PTN: variants seen among roughly 807,000 people sequenced by gnomAD.
PTN encodes pleiotrophin, also known as heparin affin regulatory protein.
A neutral mutation model predicts 24.1 loss-of-function variants in PTN; 18 were observed. The observed-to-expected ratio is 0.75, with a 90% CI of 0.52 to 1.11. The LOEUF is 1.11. PTN is among the 50% of genes least tolerant of loss of function. PTN has a pLI of 0.00. For synonymous variants in PTN, 78 were observed against 68.6 expected (o/e 1.14, Z -0.67); for missense variants, 163 against 198.8 (o/e 0.82, Z 1.08).
intron 1 of PTN, among the ~76,000 whole-genome samples, chr7:137,311,231 CAAA>C (rs35319700): frequency 3.2e-4 from 33 of 101,566 alleles, no homozygotes; most frequent in East Asian, 5.7e-4. Context: ...GACTCCATTT[CAAA>C]AAAAAAAAAA....
intron 1 of PTN, among the ~76,000 whole-genome samples, chr7:137,260,730 A>C (rs1809021102): frequency 6.6e-6 from 1 of 152,158 alleles, no homozygotes; most frequent in African/African-American, 2.4e-5. Context: ...CAGAGGCTTA[A>C]TCAGACTCAG....
chr7:137,254,860 T>C lies in PTN; in HGVS notation c.114A>G (p.Pro38=). The change falls in exon 2 of 5, where the codon CCA becomes CCG. Residue 38 remains proline (P), a splice_region_variant and synonymous_variant. Transcript: ENST00000348225. ...DTAEAGKKEK[P]EKKVKKSDCG... ...TGCCTTCAGAACCCTACTGCTTACC[T>C]GGTTTCTCTTTCTTCCCTGCTTCAG... 1 of 1,546,676 alleles carries C rather than the reference T, an allele frequency of 6.5e-7. No homozygotes were observed. The highest frequency in any genetic ancestry group is 8.8e-7 in the Non-Finnish European group (1 of 1,131,332).
intron 4 of PTN, 70 bp from the exon 5 acceptor site, chr7:137,228,145 G>T: frequency 1.0e-6 from 1 of 974,808 alleles, no homozygotes; most frequent in Non-Finnish European, 1.6e-6. Flanking sequence ...TTGCAGGGAA[G>T]AAATAGCCAC....
intron 1 of PTN, among the ~76,000 whole-genome samples, chr7:137,304,959 T>C (rs1257416785): frequency 3.3e-5 from 5 of 152,030 alleles, no homozygotes; most frequent in Admixed American, 1.3e-4. Context: ...GCGGCCGTAT[T>C]ATTTAGACTA....
chr7:137,338,974 G>C lies in PTN; in HGVS notation c.-2+4465C>G, dbSNP rs149744131. Among the ~76,000 whole-genome samples the C allele has an allele frequency of 5.9e-5, 9 of 152,110 alleles. No homozygotes were observed. The East Asian group carries it at 1.5e-3, about 26-fold the overall frequency. On this transcript the variant is annotated intron_variant, in intron 1 of 4. Coordinates refer to ENST00000348225, the MANE Select transcript of PTN (RefSeq NM_002825.7). ...TACTAAAGCATTTGGAGAGGAGAGAGGAAGGCGGGAAACTGAAATATTTGG... is the reference window on the plus strand; with the variant it reads ...TACTAAAGCATTTGGAGAGGAGAGACGAAGGCGGGAAACTGAAATATTTGG...
intron 4 of PTN, among the ~76,000 whole-genome samples, chr7:137,250,650 G>A (rs975167617): frequency 6.6e-6 from 1 of 152,192 alleles, no homozygotes; most frequent in Non-Finnish European, 1.5e-5. Context: ...TCTCCAGCAA[G>A]AGAGCAGAGC....
chr7:137,264,589 C>T (rs1039422254), intron 1 of PTN, among the ~76,000 whole-genome samples: 2 of 152,076 alleles, frequency 1.3e-5, no homozygotes, highest in Non-Finnish European at 2.9e-5. Flanking sequence ...GAGGTTGGAC[C>T]CACTAGAATA....
At chr7:137,251,163 T>C in intron 4 of PTN, 67 bp downstream of exon 4, 1 of 1,529,662 alleles carries the variant, frequency 6.5e-7, no homozygotes, top group South Asian at 1.1e-5. Context: ...CTGGAAAATG[T>C]GGGTTTTCCA....
intron 1 of PTN, among the ~76,000 whole-genome samples, chr7:137,278,994 C>T (rs1402626275): frequency 2.3e-5 from 3 of 129,656 alleles, no homozygotes; most frequent in African/African-American, 6.0e-5. Context: ...AATAAAGAAA[C>T]GGACCAATCC....
At chr7:137,341,800 T>C (rs1349222303) in intron 1 of PTN, among the ~76,000 whole-genome samples, 1 of 152,138 alleles carries the variant, frequency 6.6e-6, no homozygotes, top group Non-Finnish European at 1.5e-5. Flanking sequence ...AAAGTACAAT[T>C]AGAGAACTTA....
At chr7:137,312,486 C>A (rs142736535) in intron 1 of PTN, among the ~76,000 whole-genome samples, 1 of 152,230 alleles carries the variant, frequency 6.6e-6, no homozygotes, top group Non-Finnish European at 1.5e-5. Context: ...TCACCTGATG[C>A]ATACTTGCAA....
intron 1 of PTN, among the ~76,000 whole-genome samples, chr7:137,271,061 C>A (rs1247879922): frequency 1.3e-5 from 2 of 152,126 alleles, no homozygotes; most frequent in Admixed American, 1.3e-4. Flanking sequence ...TATTGTTCTC[C>A]CCATTCTACT....
At chr7:137,330,669 C>T (rs1424300369) in intron 1 of PTN, among the ~76,000 whole-genome samples, 2 of 152,148 alleles carry the variant, frequency 1.3e-5, no homozygotes, top group African/African-American at 4.8e-5. Context: ...AGGTTCTGCA[C>T]CCAAGATTCC....
chr7:137,316,487 C>T (rs1030314901), intron 1 of PTN, among the ~76,000 whole-genome samples: 1 of 152,182 alleles, frequency 6.6e-6, no homozygotes, highest in Non-Finnish European at 1.5e-5. Context: ...TTCATGATTG[C>T]ATCTGTCAAG....
chr7:137,320,394 G>T (rs1378771477), intron 1 of PTN, among the ~76,000 whole-genome samples: 2 of 152,158 alleles, frequency 1.3e-5, no homozygotes, highest in African/African-American at 4.8e-5. Context: ...CTCATCTACT[G>T]TAGTGCAACT....
chr7:137,332,016 AT>A (rs1810367055), intron 1 of PTN, among the ~76,000 whole-genome samples: 1 of 152,124 alleles, frequency 6.6e-6, no homozygotes, highest in Non-Finnish European at 1.5e-5. Context: ...TTTACTTAGC[AT>A]TTTTTATGAT....
chr7:137,272,077 A>G (rs971337676), intron 1 of PTN, among the ~76,000 whole-genome samples: 2 of 152,108 alleles, frequency 1.3e-5, no homozygotes, highest in Admixed American at 1.3e-4. Flanking sequence ...CATGCCAAAC[A>G]CTGACTGTTC....
chr7:137,234,450 T>C (rs1291515103), intron 4 of PTN, among the ~76,000 whole-genome samples: 2 of 152,076 alleles, frequency 1.3e-5, no homozygotes, highest in Non-Finnish European at 2.9e-5. Context: ...TTATCAGCAA[T>C]TTATATGAGT....
At chr7:137,267,013 C>T (rs767033051) in intron 1 of PTN, among the ~76,000 whole-genome samples, 26 of 151,934 alleles carry the variant, frequency 1.7e-4, no homozygotes, top group Non-Finnish European at 3.7e-4. Flanking sequence ...TTTACACTGA[C>T]AACAAAGTGG....
Sources: gnomAD v4.1 joint callset for allele counts (sites outside exome capture counted in the v4.1 genomes callset) on GRCh38, gnomAD v4.1.1 for gene constraint, MANE v1.5 for transcripts, NCBI Gene and HGNC (gene_info 2026-07-23, HGNC 2026-07-21) for gene names.